Variants in RSRC1 observed in about 807,000 individuals in gnomAD.
The protein encoded by RSRC1 is arginine and serine rich coiled-coil 1.
In RSRC1, 39 loss-of-function variants were observed where a neutral mutation model predicts 49.1. The observed-to-expected ratio is 0.79, with a 90% confidence interval of 0.61 to 1.04. The LOEUF is 1.04. Ranked by LOEUF, RSRC1 falls within the 50% of genes least tolerant of loss-of-function variation. The pLI is 0.00. For missense variants in RSRC1, 388 were observed against 402.4 expected (o/e 0.96, Z 0.31); for synonymous variants, 143 against 130.8 (o/e 1.09, Z -0.63).
intron 4 of RSRC1, among the ~76,000 whole-genome samples, chr3:158,232,239 G>GATAT (rs10653264): frequency 6.6e-6 from 1 of 151,724 alleles, no homozygotes; most frequent in Admixed American, 6.6e-5. Flanking sequence ...ACTTTAAAAA[G>GATAT]ATATATATTT....
intron 4 of RSRC1, among the ~76,000 whole-genome samples, chr3:158,253,764 ATATT>A (rs1186446622): frequency 1.3e-5 from 2 of 152,026 alleles, no homozygotes; most frequent in South Asian, 2.1e-4. Flanking sequence ...ATATATTTAT[ATATT>A]TATTTATTTA....
At chr3:158,344,840 G>T (rs989809718) in intron 5 of RSRC1, among the ~76,000 whole-genome samples, 1 of 152,140 alleles carries the variant, frequency 6.6e-6, no homozygotes, top group Non-Finnish European at 1.5e-5. Context: ...AAGGAGTATT[G>T]TAAGTTTTTG....
At chr3:158,262,241 C>T (rs1724944566) in intron 4 of RSRC1, among the ~76,000 whole-genome samples, 1 of 151,964 alleles carries the variant, frequency 6.6e-6, no homozygotes, top group Admixed American at 6.6e-5. Context: ...TTTACTTCTA[C>T]CAGTTTTATC....
At chr3:158,379,394 G>A (rs1732570252) in intron 6 of RSRC1, among the ~76,000 whole-genome samples, 1 of 151,586 alleles carries the variant, frequency 6.6e-6, no homozygotes, top group Non-Finnish European at 1.5e-5. Flanking sequence ...TAGAGACGGG[G>A]TTTCACCATG....
intron 7 of RSRC1, among the ~76,000 whole-genome samples, chr3:158,503,405 G>A (rs1043928745): frequency 2.0e-5 from 3 of 152,126 alleles, no homozygotes; most frequent in Admixed American, 6.5e-5. Context: ...CATCAGCTGT[G>A]GTAGTATGGA....
chr3:158,114,272 G>A (rs1428157779), intron 1 of RSRC1, among the ~76,000 whole-genome samples: 3 of 152,130 alleles, frequency 2.0e-5, no homozygotes, highest in Admixed American at 2.0e-4. Context: ...CTCATTGCTT[G>A]TTTTTGTCAG....
intron 7 of RSRC1, among the ~76,000 whole-genome samples, chr3:158,532,631 T>C (rs148423352): frequency 0.02 from 3,049 of 151,910 alleles, 46 homozygotes; most frequent in Non-Finnish European, 0.03. Context: ...TTGAGTTAAG[T>C]ATTGATTATT....
chr3:158,242,641 G>A (rs1723659795), intron 4 of RSRC1, among the ~76,000 whole-genome samples: 1 of 151,968 alleles, frequency 6.6e-6, no homozygotes, highest in African/African-American at 2.4e-5. Context: ...TTCCACAATG[G>A]TTATACTAAT....
intron 4 of RSRC1, among the ~76,000 whole-genome samples, chr3:158,205,948 T>C (rs1440377667): frequency 6.6e-6 from 1 of 152,176 alleles, no homozygotes; most frequent in African/African-American, 2.4e-5. Flanking sequence ...TTGGGCTAGA[T>C]AGTAAATAAT....
At chr3:158,192,474 C>G (rs574085147) in intron 3 of RSRC1, among the ~76,000 whole-genome samples, 10 of 151,966 alleles carry the variant, frequency 6.6e-5, no homozygotes, top group Non-Finnish European at 1.5e-4. Flanking sequence ...TTGGAGATAA[C>G]TGAGCTTGCT....
chr3:158,185,919 A>G (rs555866574), intron 3 of RSRC1, among the ~76,000 whole-genome samples: 51 of 152,036 alleles, frequency 3.4e-4, no homozygotes, highest in Admixed American at 3.9e-4. Context: ...ATAGTTTCAC[A>G]TTTTATTAGG....
At chr3:158,202,416 G>C (rs1721095867) in intron 3 of RSRC1, among the ~76,000 whole-genome samples, 1 of 151,272 alleles carries the variant, frequency 6.6e-6, no homozygotes, top group South Asian at 2.1e-4. Context: ...AAGAGGCAGA[G>C]GTGGGGTTTG....
chr3:158,167,028 G>A (rs1578154692), intron 3 of RSRC1, among the ~76,000 whole-genome samples: 1 of 152,070 alleles, frequency 6.6e-6, no homozygotes, highest in Non-Finnish European at 1.5e-5. Context: ...GGTTAGGATA[G>A]AATTCCCTTT....
chr3:158,354,069 T>A (rs1214703075), intron 5 of RSRC1, among the ~76,000 whole-genome samples: 1 of 143,668 alleles, frequency 7.0e-6, no homozygotes, highest in Non-Finnish European at 1.5e-5. Context: ...CGATCTTGGC[T>A]CACTGCAACC....
chr3:158,132,061 G>A (rs1449892109), intron 3 of RSRC1: 1 of 431,980 alleles, frequency 2.3e-6, no homozygotes, highest in Admixed American at 2.4e-5. Context: ...TTGGCTCACT[G>A]TAGCCTTTAC....
chr3:158,434,688 A>G (rs942206160), intron 6 of RSRC1, among the ~76,000 whole-genome samples: 3 of 151,938 alleles, frequency 2.0e-5, no homozygotes, highest in Non-Finnish European at 1.5e-5. Flanking sequence ...CCTGCTCATT[A>G]CACCTGTAAG....
At chr3:158,261,372 CAT>C (rs775055889) in intron 4 of RSRC1, among the ~76,000 whole-genome samples, 1 of 152,194 alleles carries the variant, frequency 6.6e-6, no homozygotes, top group Non-Finnish European at 1.5e-5. Context: ...TGATGTTTCA[CAT>C]GTTTCCATCT....
chr3:158,268,446 T>C (rs934905473), intron 4 of RSRC1, among the ~76,000 whole-genome samples: 4 of 152,184 alleles, frequency 2.6e-5, no homozygotes, highest in African/African-American at 9.7e-5. Context: ...ATTTCCGTTT[T>C]ACATTTTTTC....
intron 5 of RSRC1, among the ~76,000 whole-genome samples, chr3:158,315,827 T>C (rs1728397053): frequency 6.6e-6 from 1 of 152,172 alleles, no homozygotes; most frequent in South Asian, 2.1e-4. Flanking sequence ...CTTATTTTAG[T>C]TACTGAGCCA....
Sources: gnomAD v4.1 joint callset for allele counts (sites outside exome capture counted in the v4.1 genomes callset) on GRCh38, gnomAD v4.1.1 for gene constraint, MANE v1.5 for transcripts, NCBI Gene and HGNC (gene_info 2026-07-23, HGNC 2026-07-21) for gene names.